RBFOX1: variants seen among roughly 807,000 people sequenced by gnomAD.
The protein encoded by RBFOX1 is RNA binding protein fox-1 homolog 1.
A neutral mutation model predicts 57.7 loss-of-function variants in RBFOX1; 8 were observed. The ratio of observed to expected loss-of-function variants is 0.14; its 90% CI spans 0.08 to 0.25. The LOEUF (loss-of-function observed/expected upper bound fraction) is 0.25. Ranked by LOEUF, RBFOX1 falls within the 10% of genes least tolerant of loss-of-function variation. RBFOX1 has a pLI of 1.00. For synonymous variants in RBFOX1, 326 were observed against 222.4 expected (o/e 1.47, Z -4.15); for missense variants, 611 against 548.5 (o/e 1.11, Z -1.14).
At chr16:6,222,341 T>C (rs2097379924) in intron 1 of RBFOX1, among the ~76,000 whole-genome samples, 1 of 152,160 alleles carries the variant, frequency 6.6e-6, no homozygotes, top group Admixed American at 6.6e-5. Flanking sequence ...TTAAAAAATT[T>C]CATGCAAGCT....
intron 3 of RBFOX1, among the ~76,000 whole-genome samples, chr16:6,908,925 G>GATAATTTGGC (rs1417528130): frequency 6.6e-6 from 1 of 152,092 alleles, no homozygotes; most frequent in Non-Finnish European, 1.5e-5. Context: ...CAGCTGCTAG[G>GATAATTTGGC]ATAATTTGGC....
chr16:6,758,367 C>G (rs1023723906), intron 3 of RBFOX1, among the ~76,000 whole-genome samples: 17 of 152,056 alleles, frequency 1.1e-4, no homozygotes, highest in African/African-American at 3.4e-4. Flanking sequence ...TAGCAGAATG[C>G]TATTATGTTC....
intron 3 of RBFOX1, among the ~76,000 whole-genome samples, chr16:6,881,098 C>G (rs1452253871): frequency 2.0e-5 from 3 of 152,194 alleles, no homozygotes; most frequent in Non-Finnish European, 2.9e-5. Context: ...TGAGTCTGAG[C>G]TGGTCTTACC....
intron 4 of RBFOX1, among the ~76,000 whole-genome samples, chr16:7,430,414 C>A (rs934394393): frequency 1.3e-5 from 2 of 152,166 alleles, no homozygotes; most frequent in Non-Finnish European, 2.9e-5. Context: ...GTAATCCCAG[C>A]ACTTCGGGAG....
At chr16:6,899,280 G>A (rs1338547689) in intron 3 of RBFOX1, among the ~76,000 whole-genome samples, 1 of 152,104 alleles carries the variant, frequency 6.6e-6, no homozygotes, top group Non-Finnish European at 1.5e-5. Context: ...GTGCATGTAT[G>A]TGTGTATAAT....
intron 4 of RBFOX1, among the ~76,000 whole-genome samples, chr16:7,269,171 T>A (rs1248803059): frequency 1.3e-5 from 2 of 152,036 alleles, no homozygotes; most frequent in East Asian, 1.9e-4. Flanking sequence ...ATGAGCAGTT[T>A]CCGGTTATTC....
chr16:5,756,329 G>A (rs544459628), intron 3 of RBFOX1, among the ~76,000 whole-genome samples: 1 of 151,754 alleles, frequency 6.6e-6, no homozygotes, highest in Non-Finnish European at 1.5e-5. Context: ...TAGGAAAAGG[G>A]CAAGCAAACT....
intron 1 of RBFOX1, among the ~76,000 whole-genome samples, chr16:6,197,453 A>T (rs1424630574): frequency 6.6e-6 from 1 of 152,096 alleles, no homozygotes; most frequent in East Asian, 1.9e-4. Context: ...GCAAGCCAAC[A>T]CTGGGTTGCT....
At chr16:6,454,460 G>C (rs2094710003) in intron 2 of RBFOX1, among the ~76,000 whole-genome samples, 1 of 152,144 alleles carries the variant, frequency 6.6e-6, no homozygotes, top group African/African-American at 2.4e-5. Flanking sequence ...GGGAGGCTGA[G>C]GAGGGAGGAT....
At chr16:6,214,744 A>AGGG (rs2097322817) in intron 1 of RBFOX1, among the ~76,000 whole-genome samples, 1 of 102,376 alleles carries the variant, frequency 9.8e-6, no homozygotes, top group Non-Finnish European at 1.9e-5. Context: ...GGAGAGGGAG[A>AGGG]AGGAGAAGGG....
chr16:6,841,275 G>T (rs1014199080), intron 3 of RBFOX1, among the ~76,000 whole-genome samples: 7 of 152,122 alleles, frequency 4.6e-5, no homozygotes, highest in African/African-American at 1.7e-4. Context: ...AGAATTCCTT[G>T]CGAGGTTTGA....
Position 7,000,891 on chromosome 16 carries a change from C to T in RBFOX1, c.-15-51166C>T, listed in dbSNP as rs190872932. On this transcript the variant is annotated intron_variant, in intron 3 of 15. Transcript: ENST00000550418. ...TGCTGGGATTACAGGCGTGAGCCAC[C>T]GCACCTGGGAAACACATAATAAATT... 1.3e-3 allele frequency among the ~76,000 whole-genome samples: 192 copies of T among 152,190 alleles called. 2 individuals carry two copies. In the Middle Eastern group the frequency reaches 0.017, roughly 13 times the overall value.
chr16:5,496,882 T>G (rs945589888), intron 2 of RBFOX1, among the ~76,000 whole-genome samples: 8 of 152,368 alleles, frequency 5.3e-5, no homozygotes, highest in Non-Finnish European at 8.8e-5. Flanking sequence ...ATCATGGATT[T>G]TATCATTTGC....
intron 2 of RBFOX1, among the ~76,000 whole-genome samples, chr16:5,486,237 A>G (rs1190588403): frequency 6.6e-6 from 1 of 152,192 alleles, no homozygotes; most frequent in African/African-American, 2.4e-5. Flanking sequence ...AGATTACTTT[A>G]GGGTTCCATC....
intron 3 of RBFOX1, among the ~76,000 whole-genome samples, chr16:6,796,214 G>T (rs956180825): frequency 4.6e-5 from 7 of 152,114 alleles, no homozygotes; most frequent in Non-Finnish European, 1.0e-4. Flanking sequence ...CATATCTGAA[G>T]AGACTTATTC....
At chr16:7,399,176 G>T (rs1283265258) in intron 4 of RBFOX1, among the ~76,000 whole-genome samples, 1 of 152,168 alleles carries the variant, frequency 6.6e-6, no homozygotes. Flanking sequence ...GGCCAGGTGC[G>T]GTAGCTCACG....
intron 2 of RBFOX1, among the ~76,000 whole-genome samples, chr16:5,503,344 C>T (rs1196420734): frequency 1.3e-5 from 2 of 152,212 alleles, no homozygotes; most frequent in African/African-American, 4.8e-5. Flanking sequence ...TCTCCCTCAC[C>T]CCTCTTCTTT....
chr16:5,668,083 C>A (rs1000872363), intron 3 of RBFOX1, among the ~76,000 whole-genome samples: 2 of 152,088 alleles, frequency 1.3e-5, no homozygotes, highest in African/African-American at 4.8e-5. Context: ...GAATTCAGGA[C>A]CAACCTGATC....
At chr16:6,711,775 G>A (rs1389464136) in intron 3 of RBFOX1, among the ~76,000 whole-genome samples, 4 of 152,150 alleles carry the variant, frequency 2.6e-5, no homozygotes, top group African/African-American at 9.7e-5. Context: ...TCTCATTCTA[G>A]ACTTCGTTTT....
Sources: gnomAD v4.1 joint callset for allele counts (sites outside exome capture counted in the v4.1 genomes callset) on GRCh38, gnomAD v4.1.1 for gene constraint, MANE v1.5 for transcripts, NCBI Gene and HGNC (gene_info 2026-07-23, HGNC 2026-07-21) for gene names.